The following EEF2K variants were observed in gnomAD, a reference collection of about 807,000 sequenced individuals.
The protein encoded by EEF2K is eukaryotic elongation factor 2 kinase.
In EEF2K, 70 loss-of-function variants were observed where a neutral mutation model predicts 93.8. The observed-to-expected ratio is 0.75, with a 90% CI of 0.62 to 0.91. EEF2K has a LOEUF of 0.91. Ranked by LOEUF, EEF2K falls within the 40% of genes least tolerant of loss-of-function variation. The pLI, the probability that EEF2K is intolerant of heterozygous loss-of-function variation, is 0.00. For synonymous variants in EEF2K, 376 were observed against 380.8 expected (o/e 0.99, Z 0.15); for missense variants, 935 against 972.9 (o/e 0.96, Z 0.52).
intron 16 of EEF2K, among the ~76,000 whole-genome samples, chr16:22,277,288 C>A (rs960335260): frequency 5.3e-5 from 8 of 152,116 alleles, no homozygotes; most frequent in African/African-American, 1.9e-4. Context: ...AGCCATGCAC[C>A]ACCATACCCA....
At position 22,258,908 on chromosome 16, in the gene EEF2K, T is replaced by C; in HGVS notation, c.1231+213T>C. On this transcript the variant is annotated intron_variant, in intron 10 of 17. Coordinates refer to ENST00000263026, the MANE Select transcript of EEF2K (RefSeq NM_013302.5). ...CCCCTATTGTAGGAAACAAAGTAAC[T>C]TTTATCAGTGTGTTTTATGAAACCA... 2.9e-5 allele frequency: 16 copies of C among 548,322 alleles called. No individual in the cohort carries two copies. In the South Asian group the frequency reaches 5.0e-4, roughly 17 times the overall value. 34.0% of individuals were successfully genotyped at this position (548,322 alleles called of 1,614,324 possible). A position where few individuals can be genotyped will look rare whatever the true frequency, so the allele number is the denominator to read the frequency against.
chr16:22,244,753 C>T (rs747581471), intron 3 of EEF2K, 23 bp downstream of exon 3: 21 of 1,612,470 alleles, frequency 1.3e-5, no homozygotes, highest in South Asian at 3.3e-5. Context: ...TGTGGGGTCT[C>T]GAGGAGTCCT....
chr16:22,232,626 C>T (rs1050568732), intron 2 of EEF2K, among the ~76,000 whole-genome samples: 14 of 152,148 alleles, frequency 9.2e-5, no homozygotes, highest in Non-Finnish European at 1.5e-4. Flanking sequence ...TCTCCAGTGT[C>T]GTTCTTTGTT....
chr16:22,253,663 C>CT lies in EEF2K; in HGVS notation c.618+2354dup, dbSNP rs200380200. Among the ~76,000 whole-genome samples, 244 of 146,600 alleles carry CT rather than the reference C, an allele frequency of 1.7e-3. 3 individuals are homozygous for CT. The East Asian group carries it at 0.024, about 14-fold the overall frequency. ...AGTCACCTCTGTCACATCATTCTAACTTTTTTTTTTTTTCCTGTTCTTTGG... is the reference window on the plus strand; with the variant it reads ...AGTCACCTCTGTCACATCATTCTAACTTTTTTTTTTTTTTCCTGTTCTTTGG... On this transcript the variant is annotated intron_variant, in intron 6 of 17. Transcript: ENST00000263026.
chr16:22,217,092 CAG>C (rs935825985), intron 1 of EEF2K, among the ~76,000 whole-genome samples: 2 of 140,678 alleles, frequency 1.4e-5, no homozygotes, highest in African/African-American at 2.7e-5. Context: ...GCCTAGGAAA[CAG>C]AGGTTGCAGT....
In EEF2K at chr16:22,266,744, G is replaced by A. The variant is rs770011336; in HGVS notation, c.1632G>A (p.Glu544=). The A allele has an allele frequency of 1.9e-6, 3 of 1,614,186 alleles. No homozygotes were observed. In the South Asian group the frequency reaches 3.3e-5, roughly 18 times the overall value. The change falls in exon 15 of 18, where the codon GAG becomes GAA. Residue 544 remains glutamate (E), a synonymous_variant. Coordinates refer to ENST00000263026, the MANE Select transcript of EEF2K (RefSeq NM_013302.5). ...GTGGGCGCTTCTGCGAGAAGGGCGA[G>A]GAGTGGGACCAGGAGTCGGCTGTCT... is the stretch of plus-strand genomic sequence containing the variant. The part of the protein sequence containing the change: ...HEGGRFCEKG[E]EWDQESAVFH...
intron 2 of EEF2K, among the ~76,000 whole-genome samples, chr16:22,228,048 C>A (rs149428463): frequency 2.9e-3 from 337 of 114,866 alleles, no homozygotes; most frequent in African/African-American, 0.011. Flanking sequence ...GAGTCTCACT[C>A]TGTCGCCCAG....
At chr16:22,225,629 T>C (rs1277781999) in intron 1 of EEF2K, 25 bp from the exon 2 acceptor site, 70 of 1,527,604 alleles carry the variant, frequency 4.6e-5, no homozygotes, top group Non-Finnish European at 6.1e-5. Flanking sequence ...CAGCACCCAC[T>C]CTCTGGCCCT....
chr16:22,233,580 C>T (rs2047137753), intron 2 of EEF2K, among the ~76,000 whole-genome samples: 1 of 151,794 alleles, frequency 6.6e-6, no homozygotes, highest in Non-Finnish European at 1.5e-5. Flanking sequence ...CCAGCTACTC[C>T]ACAGGCTGAG....
In EEF2K at chr16:22,232,432, G is replaced by A. The variant is rs184544375; in HGVS notation, c.246+6457G>A. Among the ~76,000 whole-genome samples the A allele has an allele frequency of 2.7e-4, 41 of 151,990 alleles. 1 individual carries two copies. The highest frequency in any genetic ancestry group is 7.7e-4 in the African/African-American group (32 of 41,444). ...TTTTGGAACGATGGGGTCTCATTAC[G>A]TTGCCCAGGCTGGTCTTGAACTCCT... On this transcript the variant is annotated intron_variant, in intron 2 of 17. Transcript: ENST00000263026.
intron 1 of EEF2K, among the ~76,000 whole-genome samples, chr16:22,218,219 G>C (rs1274639429): frequency 6.6e-6 from 1 of 152,240 alleles, no homozygotes; most frequent in Non-Finnish European, 1.5e-5. Flanking sequence ...GTGGGGCAGA[G>C]GCAGATCCTC....
intron 2 of EEF2K, among the ~76,000 whole-genome samples, chr16:22,233,622 G>A (rs2047138141): frequency 6.6e-6 from 1 of 152,132 alleles, no homozygotes; most frequent in Admixed American, 6.6e-5. Context: ...GGGAGGCAGA[G>A]GCTGCAGTGA....
rs764748468 is a variant in EEF2K at position 22,250,643 on chromosome 16, G to T, written c.409-11G>T. 3.7e-5 allele frequency: 60 copies of T among 1,614,088 alleles called. No homozygotes were observed. Among genetic ancestry groups the T allele is most frequent in the Non-Finnish European group, 4.9e-5 (58 of 1,180,040 alleles). ...ATGGGGACTGATAACACTCTGTGTG[G>T]TGTCTTTCAGCCCTTCGGCCGAGGA... On this transcript the variant is annotated splice_polypyrimidine_tract_variant and intron_variant, in intron 4 of 17. Transcript: ENST00000263026.
chr16:22,253,425 C>T (rs1432691268), intron 6 of EEF2K, among the ~76,000 whole-genome samples: 3 of 152,202 alleles, frequency 2.0e-5, no homozygotes, highest in Non-Finnish European at 4.4e-5. Flanking sequence ...GCTTCCTCTG[C>T]AATTTGCGGC....
intron 1 of EEF2K, among the ~76,000 whole-genome samples, chr16:22,208,705 G>T (rs1396404244): frequency 6.6e-6 from 1 of 151,682 alleles, no homozygotes; most frequent in Non-Finnish European, 1.5e-5. Context: ...TTCAAGACCA[G>T]CCTGGCTGAC....
At chr16:22,207,326 G>A (rs1347204495) in intron 1 of EEF2K, among the ~76,000 whole-genome samples, 1 of 152,164 alleles carries the variant, frequency 6.6e-6, no homozygotes, top group East Asian at 1.9e-4. Flanking sequence ...GGCCGCATGG[G>A]GAAGTGAGAT....
intron 2 of EEF2K, among the ~76,000 whole-genome samples, chr16:22,244,309 G>GTGTGTGTGTA (rs1491540875): frequency 7.0e-6 from 1 of 142,042 alleles, no homozygotes; most frequent in Non-Finnish European, 1.5e-5. Context: ...GTGTGTGTGT[G>GTGTGTGTGTA]TATATCCTAT....
intron 2 of EEF2K, among the ~76,000 whole-genome samples, chr16:22,235,560 C>T (rs755480543): frequency 2.6e-5 from 4 of 152,018 alleles, no homozygotes; most frequent in Admixed American, 6.6e-5. Context: ...TGCAATGGCA[C>T]GATCTCAGCT....
rs573305326 is a variant in EEF2K, at chr16:22,209,326, G to A, written c.-77+2647G>A. Among the ~76,000 whole-genome samples, 6 of 152,206 alleles carry A rather than the reference G, an allele frequency of 3.9e-5. No homozygotes were observed. In the South Asian group the frequency reaches 6.2e-4, roughly 16 times the overall value. The stretch of plus-strand genomic sequence containing the variant: ...CAGGCATGAGCCACCATGCCCACCC[G>A]GGAAGGATGTCTTTAGGGTTGTTAT... On this transcript the variant is annotated intron_variant, in intron 1 of 17. Coordinates refer to ENST00000263026, the MANE Select transcript of EEF2K (RefSeq NM_013302.5).
Sources: allele counts gnomAD v4.1 joint callset (sites outside exome capture counted in the v4.1 genomes callset), GRCh38; gene constraint gnomAD v4.1.1; transcripts MANE v1.5; gene names NCBI Gene and HGNC (gene_info 2026-07-23, HGNC 2026-07-21).